KDM4C: variants seen among roughly 807,000 people sequenced by gnomAD.
KDM4C encodes the protein lysine-specific demethylase 4C.
Under a neutral mutation model 129.3 loss-of-function variants are expected in KDM4C, and 81 were observed. That is an observed-to-expected ratio of 0.63 (90% CI 0.52 to 0.75). The LOEUF (loss-of-function observed/expected upper bound fraction) is 0.75. Ranked by LOEUF, KDM4C falls within the 30% of genes least tolerant of loss-of-function variation. The probability of loss-of-function intolerance (pLI) is 0.00; values close to 1 mark genes in which losing one functional copy is unlikely to be tolerated. For synonymous variants in KDM4C, 573 were observed against 456.1 expected (o/e 1.26, Z -3.26); for missense variants, 1,457 against 1,304.0 (o/e 1.12, Z -1.81).
chr9:7,044,154 C>T (rs987584061), intron 15 of KDM4C, among the ~76,000 whole-genome samples: 1 of 151,914 alleles, frequency 6.6e-6, no homozygotes. Flanking sequence ...GTGGGAATGC[C>T]TGAGATAGAA....
chr9:6,989,299 A>G (rs1480151422), intron 11 of KDM4C, among the ~76,000 whole-genome samples: 2 of 152,186 alleles, frequency 1.3e-5, no homozygotes, highest in South Asian at 2.1e-4. Flanking sequence ...CTTACCGGGA[A>G]GAAGACTAAG....
intron 8 of KDM4C, among the ~76,000 whole-genome samples, chr9:6,910,882 A>G (rs1819176701): frequency 6.6e-6 from 1 of 152,234 alleles, no homozygotes; most frequent in African/African-American, 2.4e-5. Flanking sequence ...ATTAGCATTA[A>G]AAATGATGTG....
At chr9:6,948,907 C>G (rs1385893939) in intron 8 of KDM4C, among the ~76,000 whole-genome samples, 3 of 152,200 alleles carry the variant, frequency 2.0e-5, no homozygotes, top group East Asian at 1.9e-4. Context: ...CAGCAACAAT[C>G]TGATTTCTCT....
At chr9:6,756,414 G>C (rs1818284576), upstream of KDM4C, among the ~76,000 whole-genome samples, 2 of 152,156 alleles carry the variant, frequency 1.3e-5, no homozygotes, top group African/African-American at 4.8e-5. Context: ...GTATACGTTA[G>C]CCAAGTTCAG....
chr9:6,803,845 T>C (rs1043117673), intron 2 of KDM4C, among the ~76,000 whole-genome samples: 3 of 152,142 alleles, frequency 2.0e-5, no homozygotes, highest in Non-Finnish European at 4.4e-5. Flanking sequence ...TTTATTTGTT[T>C]ATGAGATGGA....
intron 18 of KDM4C, among the ~76,000 whole-genome samples, chr9:7,112,545 A>G (rs957259580): frequency 1.3e-5 from 2 of 152,174 alleles, no homozygotes; most frequent in African/African-American, 4.8e-5. Context: ...GAAGACCCCA[A>G]GGGACAACTA....
chr9:7,101,445 G>A (rs1837080050), intron 17 of KDM4C, among the ~76,000 whole-genome samples: 1 of 152,140 alleles, frequency 6.6e-6, no homozygotes. Context: ...AGGTTTTATG[G>A]GGTTCTCTGT....
chr9:6,856,578 G>GTGTGTGTA (rs1554721137), intron 5 of KDM4C, among the ~76,000 whole-genome samples: 1 of 132,372 alleles, frequency 7.6e-6, no homozygotes, highest in African/African-American at 2.9e-5. Context: ...GTGTGTGTGT[G>GTGTGTGTA]TGTATTTTTT....
chr9:7,151,649 G>A (rs556612700), intron 19 of KDM4C, among the ~76,000 whole-genome samples: 8 of 152,262 alleles, frequency 5.3e-5, no homozygotes, highest in South Asian at 4.1e-4. Context: ...CAGTCACTCC[G>A]GCCTGGGCGA....
intron 18 of KDM4C, among the ~76,000 whole-genome samples, chr9:7,112,032 C>T (rs1408647914): frequency 6.6e-6 from 1 of 151,962 alleles, no homozygotes; most frequent in East Asian, 1.9e-4. Flanking sequence ...AAACGTGTTA[C>T]CCAATAGCTG....
intron 20 of KDM4C, 48 bp downstream of exon 20, chr9:7,165,405 T>A: frequency 6.3e-7 from 1 of 1,595,796 alleles, no homozygotes; most frequent in Non-Finnish European, 8.6e-7. Context: ...ACATGATAAG[T>A]CAGAAGGAGA....
intron 4 of KDM4C, chr9:6,835,120 G>T (rs969017035): frequency 4.0e-6 from 4 of 1,004,012 alleles, no homozygotes; most frequent in African/African-American, 1.6e-5. Flanking sequence ...TCTGGCCTTC[G>T]AGCAGGAGAT....
chr9:7,011,713 T>C lies in KDM4C; in HGVS notation c.1802T>C (p.Leu601Pro). 2 of 1,614,202 alleles carry C rather than the reference T, an allele frequency of 1.2e-6. No individual in the cohort carries two copies. Among genetic ancestry groups the C allele is most frequent in the Non-Finnish European group, 1.7e-6 (2 of 1,180,010 alleles). ...APSDEELPEV[L>P]SIEEEVEETE... ...CTCCCTTAAGAATTGCCTGAGGTTC[T>C]GTCCATTGAGGAGGAAGTGGAAGAA... The change falls in exon 13 of 22, where the codon CTG (leucine) becomes CCG (proline). Residue 601 changes from leucine to proline, a missense_variant. Coordinates refer to ENST00000381309, the MANE Select transcript of KDM4C (RefSeq NM_015061.6).
intron 5 of KDM4C, among the ~76,000 whole-genome samples, chr9:6,850,668 G>T (rs1838674200): frequency 6.6e-6 from 1 of 152,072 alleles, no homozygotes; most frequent in Non-Finnish European, 1.5e-5. Flanking sequence ...CTGAGCTCAG[G>T]CAGTCTGCCC....
intron 1 of KDM4C, among the ~76,000 whole-genome samples, chr9:6,765,167 A>C (rs1455213089): frequency 6.6e-6 from 1 of 152,082 alleles, no homozygotes; most frequent in South Asian, 2.1e-4. Flanking sequence ...GATATTTAAA[A>C]TTCCTGCCAT....
intron 18 of KDM4C, among the ~76,000 whole-genome samples, chr9:7,115,263 T>G (rs1208317462): frequency 6.6e-6 from 1 of 152,214 alleles, no homozygotes; most frequent in East Asian, 1.9e-4. Context: ...GCTTGCTTGC[T>G]TTTTGCACAG....
chr9:6,983,762 A>G (rs569215187), intron 9 of KDM4C, among the ~76,000 whole-genome samples: 1 of 145,074 alleles, frequency 6.9e-6, no homozygotes, highest in Non-Finnish European at 1.5e-5. Flanking sequence ...TACTTTTAGC[A>G]CTAGCCTAAC....
chr9:6,838,223 T>C (rs1326559616), intron 4 of KDM4C, among the ~76,000 whole-genome samples: 1 of 152,216 alleles, frequency 6.6e-6, no homozygotes, highest in Non-Finnish European at 1.5e-5. Context: ...TCTTATTCCT[T>C]GACGACAGAA....
At chr9:6,923,722 C>T (rs61700387) in intron 8 of KDM4C, among the ~76,000 whole-genome samples, 11,182 of 152,160 alleles carry the variant, frequency 0.073, 1,135 homozygotes, top group African/African-American at 0.23. Flanking sequence ...CATCAAATGG[C>T]TCTTTATCTT....
Sources: allele counts gnomAD v4.1 joint callset (sites outside exome capture counted in the v4.1 genomes callset), GRCh38; gene constraint gnomAD v4.1.1; transcripts MANE v1.5; gene names NCBI Gene and HGNC (gene_info 2026-07-23, HGNC 2026-07-21).